Variants in WASF3 observed in about 807,000 individuals in gnomAD.
The protein encoded by WASF3 is WASP family member 3, also known as actin-binding protein WASF3.
A neutral mutation model predicts 46.6 loss-of-function variants in WASF3; 11 were observed. The observed-to-expected ratio is 0.24, with a 90% confidence interval of 0.15 to 0.39. The LOEUF is 0.39. WASF3 is among the 10% of genes least tolerant of loss of function. The probability of loss-of-function intolerance (pLI) is 1.00; values close to 1 mark genes in which losing one functional copy is unlikely to be tolerated. For missense variants in WASF3, 576 were observed against 669.8 expected (o/e 0.86, Z 1.55); for synonymous variants, 242 against 259.7 (o/e 0.93, Z 0.65).
chr13:26,654,537 C>A (rs1464032348), intron 3 of WASF3, among the ~76,000 whole-genome samples: 1 of 152,204 alleles, frequency 6.6e-6, no homozygotes, highest in Non-Finnish European at 1.5e-5. Flanking sequence ...TATATTTCTT[C>A]AAGCAACAAG....
chr13:26,681,459 C>CT lies in WASF3; in HGVS notation c.983+140dup, dbSNP rs1019697940. On this transcript the variant is annotated intron_variant, in intron 8 of 9. Coordinates refer to ENST00000335327, the MANE Select transcript of WASF3 (RefSeq NM_006646.6). Reference sequence around the variant, plus strand: ...TGACTGGATGTAGATACTAGCAACTCTAACATTCTGTGTGAAATAAAGCAG... The same window carrying CT: ...TGACTGGATGTAGATACTAGCAACTCTTAACATTCTGTGTGAAATAAAGCAG... The CT allele has an allele frequency of 3.6e-5, 38 of 1,064,810 alleles. No homozygotes were observed. The African/African-American group carries it at 5.1e-4, about 14-fold the overall frequency. The allele number at this position is 1,064,810 out of a possible 1,614,324, so 66.0% of individuals were successfully genotyped here. A position where few individuals can be genotyped will look rare whatever the true frequency, so the allele number is the denominator to read the frequency against.
At chr13:26,624,695 A>C (rs1475055061) in intron 2 of WASF3, among the ~76,000 whole-genome samples, 3 of 152,130 alleles carry the variant, frequency 2.0e-5, no homozygotes, top group African/African-American at 7.2e-5. Context: ...AGTTGCTGAA[A>C]TACCCAAGGT....
At chr13:26,569,085 A>G (rs1026442484) in intron 1 of WASF3, among the ~76,000 whole-genome samples, 9 of 152,192 alleles carry the variant, frequency 5.9e-5, no homozygotes, top group African/African-American at 2.2e-4. Context: ...TCTGTTTTCT[A>G]TAATGGGGTG....
Position 26,687,723 on chromosome 13 carries a change from C to CTCTTTTTT in WASF3, c.*1879_*1880insCTTTTTTT, listed in dbSNP as rs1555257029. The CTCTTTTTT allele has an allele frequency of 2.2e-5, 3 of 139,072 alleles. No individual in the cohort carries two copies. The highest frequency in any genetic ancestry group is 5.3e-5 in the African/African-American group (2 of 37,612). The allele number at this position is 139,072 out of a possible 1,614,324, so 8.6% of individuals were successfully genotyped here. A position where few individuals can be genotyped will look rare whatever the true frequency, so the allele number is the denominator to read the frequency against. ...AAATTTCTAATTTCTCTCTCTCTCT[C>CTCTTTTTT]TTTTTTTTTTTTTTGTTGTTGTTAA... is the stretch of plus-strand genomic sequence containing the variant. On this transcript the variant is annotated 3_prime_UTR_variant, in exon 10 of 10. Transcript: ENST00000335327.
intron 2 of WASF3, among the ~76,000 whole-genome samples, chr13:26,625,862 A>G (rs1040173505): frequency 3.3e-5 from 5 of 152,330 alleles, no homozygotes; most frequent in Non-Finnish European, 5.9e-5. Context: ...AAAAATGTAT[A>G]TATCTATAGT....
At chr13:26,544,944 C>T in the WASF3 span, among the ~76,000 whole-genome samples, 23 of 152,196 alleles carry the variant, frequency 1.5e-4, 1 homozygote, top group Non-Finnish European at 2.6e-4. Flanking sequence ...TGCTAAGCAG[C>T]ATATCTTCTA....
intron 3 of WASF3, among the ~76,000 whole-genome samples, chr13:26,653,343 CCT>C (rs1319309823): frequency 1.3e-5 from 2 of 152,166 alleles, no homozygotes; most frequent in Non-Finnish European, 2.9e-5. Flanking sequence ...TCATCCTCTC[CCT>C]GTCATCCCAT....
At chr13:26,670,524 T>C (rs916068827) in intron 5 of WASF3, among the ~76,000 whole-genome samples, 4 of 152,206 alleles carry the variant, frequency 2.6e-5, no homozygotes, top group African/African-American at 9.6e-5. Context: ...GTTTATATTC[T>C]TGTCAAGGTT....
chr13:26,643,881 A>G (rs1296350659), intron 3 of WASF3, among the ~76,000 whole-genome samples: 1 of 152,206 alleles, frequency 6.6e-6, no homozygotes, highest in Non-Finnish European at 1.5e-5. Flanking sequence ...CCCTTGTGGT[A>G]AATAGAATAG....
intron 3 of WASF3, among the ~76,000 whole-genome samples, chr13:26,649,493 G>GA (rs1413640812): frequency 6.6e-6 from 1 of 152,194 alleles, no homozygotes; most frequent in Non-Finnish European, 1.5e-5. Flanking sequence ...TCAATAATCT[G>GA]AAAACCAGCC....
chr13:26,666,702 A>G (rs914758753), intron 4 of WASF3, among the ~76,000 whole-genome samples: 19 of 152,210 alleles, frequency 1.2e-4, no homozygotes, highest in South Asian at 8.3e-4. Context: ...GATCAAGACC[A>G]TCCTGGCTAA....
chr13:26,546,669 G>A, the WASF3 span, among the ~76,000 whole-genome samples: 1 of 152,132 alleles, frequency 6.6e-6, no homozygotes, highest in East Asian at 1.9e-4. Context: ...CCGAGATCGC[G>A]GCACTGCACT....
upstream of WASF3, among the ~76,000 whole-genome samples, chr13:26,555,601 C>T (rs527540422): frequency 6.6e-6 from 1 of 152,242 alleles, no homozygotes; most frequent in South Asian, 2.1e-4. Context: ...TACCCATCCC[C>T]CTACCATTTT....
intron 3 of WASF3, among the ~76,000 whole-genome samples, chr13:26,663,267 A>G (rs971483656): frequency 6.6e-6 from 1 of 151,964 alleles, no homozygotes; most frequent in African/African-American, 2.4e-5. Context: ...GAGAATCTTA[A>G]CAGACGTCAA....
At chr13:26,541,180 C>A in the WASF3 span, among the ~76,000 whole-genome samples, 1 of 152,092 alleles carries the variant, frequency 6.6e-6, no homozygotes, top group African/African-American at 2.4e-5. Context: ...TTCTCAGAAA[C>A]AAGGCAGAGA....
intron 1 of WASF3, among the ~76,000 whole-genome samples, chr13:26,571,333 G>A (rs1454769921): frequency 6.6e-6 from 1 of 151,870 alleles, no homozygotes; most frequent in Non-Finnish European, 1.5e-5. Context: ...ATTTATAGAG[G>A]GATTCACCAA....
intron 2 of WASF3, chr13:26,639,719 T>G (rs1881936601): frequency 6.6e-6 from 1 of 152,164 alleles, no homozygotes; most frequent in Admixed American, 6.5e-5. Context: ...GTCAACAGAT[T>G]AGGAGACAAT....
At chr13:26,604,249 T>G (rs1031346146) in intron 1 of WASF3, among the ~76,000 whole-genome samples, 5 of 152,190 alleles carry the variant, frequency 3.3e-5, no homozygotes, top group Admixed American at 6.5e-5. Flanking sequence ...ATGAGATGAT[T>G]TATGTGAAAG....
chr13:26,577,710 G>A (rs547404249), intron 1 of WASF3: 10 of 801,200 alleles, frequency 1.2e-5, no homozygotes, highest in Non-Finnish European at 1.9e-5. Flanking sequence ...CAAGTAAAAA[G>A]TCCTATTTGT....
Sources: gnomAD v4.1 joint callset for allele counts (sites outside exome capture counted in the v4.1 genomes callset) on GRCh38, gnomAD v4.1.1 for gene constraint, MANE v1.5 for transcripts, NCBI Gene and HGNC (gene_info 2026-07-23, HGNC 2026-07-21) for gene names.